LGR5: variants seen among roughly 807,000 people sequenced by gnomAD.
LGR5 encodes leucine rich repeat containing G protein-coupled receptor 5.
LGR5 carries 54 observed loss-of-function variants against 76.7 expected under a neutral mutation model. The observed-to-expected ratio is 0.70, with a 90% confidence interval of 0.57 to 0.88. LGR5 has a LOEUF of 0.88. LGR5 is among the 40% of genes least tolerant of loss of function. The probability of loss-of-function intolerance (pLI) is 0.00; values close to 1 mark genes in which losing one functional copy is unlikely to be tolerated. For missense variants in LGR5, 1,078 were observed against 1,073.3 expected (o/e 1.00, Z -0.06); for synonymous variants, 406 against 421.9 (o/e 0.96, Z 0.46).
At chr12:71,555,657 C>G (rs564341985) in intron 5 of LGR5, among the ~76,000 whole-genome samples, 1 of 152,282 alleles carries the variant, frequency 6.6e-6, no homozygotes, top group Admixed American at 6.5e-5. Flanking sequence ...CAATGATGGT[C>G]AGTATCTCTG....
intron 3 of LGR5, among the ~76,000 whole-genome samples, chr12:71,528,892 T>C (rs1052622450): frequency 6.6e-6 from 1 of 152,192 alleles, no homozygotes; most frequent in African/African-American, 2.4e-5. Context: ...CCTTTTAAAG[T>C]ACTGGGGAAT....
At chr12:71,529,812 T>C (rs36049752) in intron 3 of LGR5, among the ~76,000 whole-genome samples, 14,369 of 151,972 alleles carry the variant, frequency 0.095, 728 homozygotes, top group Non-Finnish European at 0.11. Context: ...AAAAATTAGC[T>C]AGGTGTCATG....
intron 11 of LGR5, 165 bp downstream of exon 11, chr12:71,567,077 C>T: frequency 3.2e-6 from 2 of 625,932 alleles, no homozygotes; most frequent in South Asian, 3.7e-5. Flanking sequence ...GGCTCTCTGA[C>T]ATGATCCTGG....
chr12:71,537,923 T>C (rs1055957308), intron 4 of LGR5, among the ~76,000 whole-genome samples: 10 of 152,170 alleles, frequency 6.6e-5, no homozygotes, highest in Non-Finnish European at 1.3e-4. Flanking sequence ...AGCCTTTTTT[T>C]CTACATGGTT....
At chr12:71,498,277 A>G (rs1292799593) in intron 1 of LGR5, among the ~76,000 whole-genome samples, 1 of 152,242 alleles carries the variant, frequency 6.6e-6, no homozygotes, top group Non-Finnish European at 1.5e-5. Context: ...ATTTCAGAAG[A>G]GTTCTATACC....
At chr12:71,500,854 G>A (rs755081769) in intron 1 of LGR5, among the ~76,000 whole-genome samples, 25 of 152,096 alleles carry the variant, frequency 1.6e-4, no homozygotes, top group East Asian at 3.9e-4. Context: ...ATTTCTAGAC[G>A]TGATCAGTAA....
intron 3 of LGR5, among the ~76,000 whole-genome samples, chr12:71,533,740 T>C (rs569889338): frequency 2.0e-5 from 3 of 152,344 alleles, no homozygotes; most frequent in East Asian, 1.9e-4. Context: ...CCTTCACTCA[T>C]TGAATCATCA....
At chr12:71,467,526 T>C (rs944404240) in intron 1 of LGR5, among the ~76,000 whole-genome samples, 6 of 152,174 alleles carry the variant, frequency 3.9e-5, no homozygotes, top group Non-Finnish European at 8.8e-5. Context: ...TCACTATCTT[T>C]CTTGGGGAAA....
At chr12:71,457,222 C>A (rs1261708975) in intron 1 of LGR5, among the ~76,000 whole-genome samples, 2 of 152,174 alleles carry the variant, frequency 1.3e-5, no homozygotes, top group African/African-American at 2.4e-5. Context: ...GTCCAAGCCG[C>A]AGTCCCTGTT....
chr12:71,499,559 G>A (rs376602283), intron 1 of LGR5, among the ~76,000 whole-genome samples: 1 of 152,090 alleles, frequency 6.6e-6, no homozygotes, highest in East Asian at 1.9e-4. Flanking sequence ...AGGAGTTTGG[G>A]CATCATTTCC....
chr12:71,496,170 G>C (rs1461514966), intron 1 of LGR5, among the ~76,000 whole-genome samples: 1 of 152,074 alleles, frequency 6.6e-6, no homozygotes, highest in Middle Eastern at 3.2e-3. Context: ...AGGAGATCAA[G>C]ACCATCCTGC....
chr12:71,496,812 T>C (rs552197810), intron 1 of LGR5, among the ~76,000 whole-genome samples: 1 of 151,968 alleles, frequency 6.6e-6, no homozygotes, highest in South Asian at 2.1e-4. Flanking sequence ...ATATAATGAG[T>C]GAAGAAGCTA....
chr12:71,543,489 G>A (rs2137386184), intron 4 of LGR5, among the ~76,000 whole-genome samples: 1 of 152,274 alleles, frequency 6.6e-6, no homozygotes, highest in East Asian at 1.9e-4. Flanking sequence ...GAAGTACTGT[G>A]GGAAAGAGCC....
chr12:71,445,936 C>T (rs902283945), intron 1 of LGR5, among the ~76,000 whole-genome samples: 12 of 152,140 alleles, frequency 7.9e-5, no homozygotes, highest in African/African-American at 2.9e-4. Flanking sequence ...CAACTCCTGA[C>T]CGTGTAAACA....
chr12:71,477,448 A>G (rs940285363), intron 1 of LGR5, among the ~76,000 whole-genome samples: 1 of 149,312 alleles, frequency 6.7e-6, no homozygotes, highest in African/African-American at 2.4e-5. Flanking sequence ...TAATAATATA[A>G]TATATATTAT....
chr12:71,451,817 C>A (rs1458149711), intron 1 of LGR5, among the ~76,000 whole-genome samples: 1 of 152,164 alleles, frequency 6.6e-6, no homozygotes, highest in Non-Finnish European at 1.5e-5. Flanking sequence ...GACTGCCCCT[C>A]CTAGGGCTAG....
intron 7 of LGR5, among the ~76,000 whole-genome samples, chr12:71,560,425 G>A (rs1381666785): frequency 6.6e-6 from 1 of 152,172 alleles, no homozygotes; most frequent in Admixed American, 6.5e-5. Context: ...AGGAGGCTGA[G>A]GAGGAAGAGG....
chr12:71,559,120 G>A (rs1269677938), intron 6 of LGR5, among the ~76,000 whole-genome samples: 1 of 152,118 alleles, frequency 6.6e-6, no homozygotes, highest in African/African-American at 2.4e-5. Context: ...TGAAAGTCAA[G>A]GACAAAGCAG....
chr12:71,465,663 A>G (rs1021779939), intron 1 of LGR5, among the ~76,000 whole-genome samples: 1 of 152,172 alleles, frequency 6.6e-6, no homozygotes, highest in Non-Finnish European at 1.5e-5. Context: ...TATAGTTTCC[A>G]TGTCCATCAG....
Sources: gnomAD v4.1 joint callset for allele counts (sites outside exome capture counted in the v4.1 genomes callset) on GRCh38, gnomAD v4.1.1 for gene constraint, MANE v1.5 for transcripts, NCBI Gene and HGNC (gene_info 2026-07-23, HGNC 2026-07-21) for gene names.